The following SLC9A3 variants were observed in gnomAD, a reference collection of about 807,000 sequenced individuals.
SLC9A3 encodes solute carrier family 9 member A3.
A neutral mutation model predicts 86.8 loss-of-function variants in SLC9A3; 37 were observed. The observed-to-expected ratio is 0.43, with a 90% confidence interval of 0.33 to 0.56. SLC9A3 has a LOEUF of 0.56. Ranked by LOEUF, SLC9A3 falls within the 20% of genes least tolerant of loss-of-function variation. The probability of loss-of-function intolerance (pLI) is 0.06; values close to 1 mark genes in which losing one functional copy is unlikely to be tolerated. For synonymous variants in SLC9A3, 581 were observed against 528.3 expected (o/e 1.10, Z -1.37); for missense variants, 1,011 against 1,171.9 (o/e 0.86, Z 2.00).
At position 524,422 on chromosome 5, in the gene SLC9A3, G is replaced by A. The variant is rs540255549; in HGVS notation, c.-100C>T. 7.8e-6 allele frequency: 3 copies of A among 382,720 alleles called. No individual in the cohort carries two copies. The highest frequency in any genetic ancestry group is 2.4e-4 in the South Asian group (2 of 8,438). The allele number at this position is 382,720 out of a possible 1,614,324, so 23.7% of individuals were successfully genotyped here. A position where few individuals can be genotyped will look rare whatever the true frequency, so the allele number is the denominator to read the frequency against. Reference sequence around the variant, plus strand: ...CTGGGACCCGGCGAGGACCCGGCGCGCTCCGGTGCCGGTACCGGCTACAGT... The same window carrying A: ...CTGGGACCCGGCGAGGACCCGGCGCACTCCGGTGCCGGTACCGGCTACAGT... On this transcript the variant is annotated 5_prime_UTR_variant, in exon 1 of 17. Coordinates refer to ENST00000264938, the MANE Select transcript of SLC9A3 (RefSeq NM_004174.4).
intron 1 of SLC9A3, among the ~76,000 whole-genome samples, chr5:523,541 C>T (rs1448480729): frequency 6.6e-6 from 1 of 151,684 alleles, no homozygotes; most frequent in Non-Finnish European, 1.5e-5. Flanking sequence ...ACCTGCCGTG[C>T]CCACATTACT....
chr5:500,661 ATGGATGGGGCTGGTGTGGATGGGGCCGTG>A (rs1444381103), intron 1 of SLC9A3, among the ~76,000 whole-genome samples: 1 of 53,594 alleles, frequency 1.9e-5, no homozygotes, highest in East Asian at 8.7e-4. Flanking sequence ...TGGGGCTAGT[ATGGATGGGGCTGGTGTGGATGGGGCCGTG>A]TGGATGGGGC....
At chr5:480,173 A>G (rs1739072768) in intron 9 of SLC9A3, 1 of 530,680 alleles carries the variant, frequency 1.9e-6, no homozygotes, top group South Asian at 2.1e-5. Flanking sequence ...TTAGACGCAT[A>G]TGAAACTGCA....
chr5:511,562 C>T (rs552960776), intron 1 of SLC9A3, among the ~76,000 whole-genome samples: 9 of 152,300 alleles, frequency 5.9e-5, no homozygotes, highest in South Asian at 2.1e-4. Flanking sequence ...CATGTCATGG[C>T]GGAGCTGCAA....
At position 477,410 on chromosome 5, in the gene SLC9A3, G is replaced by T. The variant is rs371187218; in HGVS notation, c.1682C>A (p.Ser561Tyr). The T allele has an allele frequency of 1.2e-5, 19 of 1,612,958 alleles. No homozygotes were observed. Among genetic ancestry groups the T allele is most frequent in the Non-Finnish European group, 8.5e-7 (1 of 1,179,824 alleles). ...ERRGSLAFIR[S>Y]PSTDNVVNVD... ...GTTGACCACGTTGTCGGTGCTGGGG[G>T]AGCGGATGAAGGCCAGGGACCCGCG... The change falls in exon 11 of 17, where the codon TCC (serine) becomes TAC (tyrosine). Residue 561 changes from serine (S) to tyrosine (Y), a missense_variant. Coordinates refer to ENST00000264938, the MANE Select transcript of SLC9A3 (RefSeq NM_004174.4).
At position 473,208 on chromosome 5, in the gene SLC9A3, G is replaced by C; in HGVS notation, c.*171C>G. 4.4e-6 allele frequency: 3 copies of C among 680,880 alleles called. No individual in the cohort carries two copies. Among genetic ancestry groups the C allele is most frequent in the Non-Finnish European group, 6.0e-6 (3 of 499,132 alleles). The allele number at this position is 680,880 out of a possible 1,614,324, so 42.2% of individuals were successfully genotyped here. A position where few individuals can be genotyped will look rare whatever the true frequency, so the allele number is the denominator to read the frequency against. ...CTCGGGCGGCTCTGCGGGCGCAGGC[G>C]CGGCACTCTCGGAGTTCTGCGCAGG... On this transcript the variant is annotated 3_prime_UTR_variant, in exon 17 of 17. Coordinates refer to ENST00000264938, the MANE Select transcript of SLC9A3 (RefSeq NM_004174.4).
intron 1 of SLC9A3, among the ~76,000 whole-genome samples, chr5:494,985 A>G (rs565291207): frequency 6.6e-6 from 1 of 151,804 alleles, no homozygotes; most frequent in East Asian, 2.0e-4. Flanking sequence ...TTTGTCCAAT[A>G]GCGCTTGTGG....
chr5:489,091 C>T (rs980580640), intron 2 of SLC9A3, among the ~76,000 whole-genome samples: 7 of 152,208 alleles, frequency 4.6e-5, no homozygotes, highest in African/African-American at 1.4e-4. Flanking sequence ...CCTTATCCTT[C>T]ACAAGTCTTT....
intron 2 of SLC9A3, among the ~76,000 whole-genome samples, chr5:490,933 C>T (rs956496528): frequency 5.9e-5 from 9 of 152,200 alleles, no homozygotes; most frequent in Non-Finnish European, 1.0e-4. Flanking sequence ...GGCCCCAACC[C>T]GGGAGCTCCT....
intron 2 of SLC9A3, 34 bp from the exon 3 acceptor site, chr5:488,510 GGGCCTGCCACC>G: frequency 6.7e-7 from 1 of 1,502,944 alleles, no homozygotes; most frequent in Non-Finnish European, 8.9e-7. Context: ...GGCAGCTGCA[GGGCCTGCCACC>G]CGAGGAGGAG....
At chr5:506,147 C>G (rs545380273) in intron 1 of SLC9A3, among the ~76,000 whole-genome samples, 8 of 152,086 alleles carry the variant, frequency 5.3e-5, no homozygotes, top group Non-Finnish European at 7.4e-5. Flanking sequence ...TGGCCACAGC[C>G]GCCACTATCA....
Position 472,026 on chromosome 5 carries a change from C to T in SLC9A3, c.*1353G>A, listed in dbSNP as rs896110457. 1 of 456,352 alleles carries T rather than the reference C, an allele frequency of 2.2e-6. No individual in the cohort carries two copies. The highest frequency in any genetic ancestry group is 4.4e-6 in the Non-Finnish European group (1 of 226,760). The allele number at this position is 456,352 out of a possible 1,614,324, so 28.3% of individuals were successfully genotyped here. On this transcript the variant is annotated 3_prime_UTR_variant, in exon 17 of 17. Transcript: ENST00000264938. Reference sequence around the variant, plus strand: ...AGCTGCGAGTCTAGCTTTAGAAAAGCCCCTAGGAGTGTCCACCTCCACCAC... The same window carrying T: ...AGCTGCGAGTCTAGCTTTAGAAAAGTCCCTAGGAGTGTCCACCTCCACCAC...
intron 1 of SLC9A3, among the ~76,000 whole-genome samples, chr5:503,870 G>A (rs901202551): frequency 2.6e-5 from 4 of 152,188 alleles, no homozygotes; most frequent in African/African-American, 7.2e-5. Context: ...CTGAATCGGC[G>A]AATCGTCTGC....
chr5:483,465 A>G lies in SLC9A3; in HGVS notation c.950T>C (p.Ile317Thr), dbSNP rs1312932816. Residue 317 changes from isoleucine to threonine, a missense_variant, in exon 6 of 17, where the codon ATC becomes ACC. Physicochemically the swap from Ile to Thr is moderately conservative, Grantham distance 89. This residue lies in a region of SLC9A3 where 565 missense variants were observed against 790.0 expected (regional missense o/e 0.72). Transcript: ENST00000264938. ...SAILAITFCG[I>T]CCQKYVKANI... ...GGCCTTCACATACTTCTGACAGCAGATGCCACAGAAGGTGATGCTGCAGGG... is the reference window on the plus strand; with the variant it reads ...GGCCTTCACATACTTCTGACAGCAGGTGCCACAGAAGGTGATGCTGCAGGG... 6.3e-7 allele frequency: 1 copy of G among 1,579,472 alleles called. No individual in the cohort carries two copies. The highest frequency in any genetic ancestry group is 2.3e-5 in the East Asian group (1 of 43,058).
rs549796960 is a variant in SLC9A3 at position 479,622 on chromosome 5, C to G, written c.1647+214G>C. The stretch of plus-strand genomic sequence containing the variant: ...ACCTCAGCGCTCACCCCCACCAGCA[C>G]CACAGTCACCAGGACTCTGTGACTC... On this transcript the variant is annotated intron_variant, in intron 10 of 16. Transcript: ENST00000264938. 280 of 556,948 alleles carry G rather than the reference C, an allele frequency of 5.0e-4. 3 individuals are homozygous for G. Among genetic ancestry groups the G allele is most frequent in the African/African-American group, 4.9e-3 (261 of 52,854 alleles). The allele number at this position is 556,948 out of a possible 1,614,324, so 34.5% of individuals were successfully genotyped here. A position where few individuals can be genotyped will look rare whatever the true frequency, so the allele number is the denominator to read the frequency against.
intron 1 of SLC9A3, among the ~76,000 whole-genome samples, chr5:495,926 C>A (rs1739994845): frequency 7.1e-6 from 1 of 140,452 alleles, no homozygotes; most frequent in African/African-American, 2.7e-5. Context: ...CGCCGACCCT[C>A]CCCACGCTCC....
At chr5:518,026 C>A (rs114557588) in intron 1 of SLC9A3, among the ~76,000 whole-genome samples, 1 of 152,328 alleles carries the variant, frequency 6.6e-6, no homozygotes, top group Admixed American at 6.5e-5. Context: ...TTCACTCATC[C>A]ATCCATCCAT....
At chr5:475,198 G>C (rs185193990) in intron 15 of SLC9A3, 66 bp from the exon 16 acceptor site, 2 of 1,493,554 alleles carry the variant, frequency 1.3e-6, no homozygotes, top group African/African-American at 2.8e-5. Context: ...AGACCTCGCC[G>C]GGGCCGTCAC....
At chr5:524,024 G>T in intron 1 of SLC9A3, 88 bp downstream of exon 1, 1 of 894,570 alleles carries the variant, frequency 1.1e-6, no homozygotes, top group Non-Finnish European at 1.6e-6. Flanking sequence ...GCTCCGACCT[G>T]ATGCGCGCGG....
Sources: gnomAD v4.1 joint callset for allele counts (sites outside exome capture counted in the v4.1 genomes callset) on GRCh38, gnomAD v4.1.1 for gene constraint, gnomAD v4.1.1 regional missense constraint, MANE v1.5 for transcripts, NCBI Gene and HGNC (gene_info 2026-07-23, HGNC 2026-07-21) for gene names.